Variants in REN observed in about 807,000 individuals in gnomAD.
REN encodes angiotensin-forming enzyme.
REN carries 42 observed loss-of-function variants against 48.6 expected under a neutral mutation model. That is an observed-to-expected ratio of 0.86 (90% CI 0.68 to 1.12). The LOEUF (loss-of-function observed/expected upper bound fraction) is 1.12, where lower values mean the gene tolerates loss of function less well. Ranked by LOEUF, REN falls within the 50% of genes most tolerant of loss-of-function variation. The pLI, the probability that REN is intolerant of heterozygous loss-of-function variation, is 0.00. For synonymous variants in REN, 196 were observed against 204.6 expected, an observed-to-expected ratio of 0.96 and a Z score of 0.36; for missense variants, 443 against 527.3, an observed-to-expected ratio of 0.84 and a Z score of 1.57.
chr1:204,155,915 C>A lies in REN; in HGVS notation c.964G>T (p.Val322Phe), dbSNP rs1320434543. The A allele has an allele frequency of 6.2e-7, 1 of 1,612,902 alleles. No individual in the cohort carries two copies. Among genetic ancestry groups the A allele is most frequent in the Non-Finnish European group, 8.5e-7 (1 of 1,179,318 alleles). Residue 322 changes from valine (V) to phenylalanine (F), a missense_variant, in exon 9 of 10, where the codon GTC (valine) becomes TTC (phenylalanine). By Grantham distance (50) the Val-to-Phe change is conservative. Transcript: ENST00000272190. ...GTAGGGCCCTCGTTACACTTCACGA[C>A]ATACTGGGGTGGGGGGCAAAGAGAG... Reference protein sequence around the residue: ...LGAKKRLFDYVVKCNEGPTLP... With the variant: ...LGAKKRLFDYFVKCNEGPTLP...
At chr1:204,165,311 A>G (rs1658324617) in intron 1 of REN, among the ~76,000 whole-genome samples, 1 of 152,116 alleles carries the variant, frequency 6.6e-6, no homozygotes. Context: ...ATCCTGTAGT[A>G]CTAACAGTAG....
At position 204,155,136 on chromosome 1, in the gene REN, G is replaced by T; in HGVS notation, c.1101C>A (p.His367Gln). The T allele has an allele frequency of 6.2e-7, 1 of 1,614,236 alleles. No individual in the cohort carries two copies. The highest frequency in any genetic ancestry group is 8.5e-7 in the Non-Finnish European group (1 of 1,180,040). ...SSKKLCTLAI[H>Q]AMDIPPPTGP... ...CAGTGGGTGGCGGGATATCCATGGC[G>T]TGGATGGCCAGTGTGCACAGCTTTT... Residue 367 changes from histidine (H) to glutamine (Q), a missense_variant, in exon 10 of 10, where the codon CAC becomes CAA. Coordinates refer to ENST00000272190, the MANE Select transcript of REN (RefSeq NM_000537.4).
chr1:204,164,639 C>T (rs1326905906), intron 1 of REN, among the ~76,000 whole-genome samples: 2 of 139,896 alleles, frequency 1.4e-5, no homozygotes, highest in Non-Finnish European at 3.0e-5. Flanking sequence ...GGGTCAGTCT[C>T]TGCTCACTGC....
chr1:204,166,112 C>T, intron 1 of REN, 84 bp downstream of exon 1: 1 of 1,100,716 alleles, frequency 9.1e-7, no homozygotes, highest in Non-Finnish European at 1.4e-6. Context: ...GACTGAATGA[C>T]ACCGCATGTG....
At chr1:204,158,614 A>C (rs539770854) in intron 5 of REN, among the ~76,000 whole-genome samples, 1 of 152,092 alleles carries the variant, frequency 6.6e-6, no homozygotes, top group South Asian at 2.1e-4. Context: ...TCTCCAACTC[A>C]TGCCATCTTT....
chr1:204,165,980 A>G (rs963692392), intron 1 of REN, among the ~76,000 whole-genome samples: 3 of 152,182 alleles, frequency 2.0e-5, no homozygotes, highest in Admixed American at 2.0e-4. Context: ...CTTAGTTAGC[A>G]TGGTGCTCTG....
chr1:204,155,669 A>G, intron 9 of REN, 151 bp downstream of exon 9: 1 of 697,280 alleles, frequency 1.4e-6, no homozygotes, highest in South Asian at 1.6e-5. Flanking sequence ...TGGCCCAGGT[A>G]CCAGGATTTT....
intron 1 of REN, among the ~76,000 whole-genome samples, chr1:204,163,584 C>T (rs1337724180): frequency 6.6e-6 from 1 of 152,118 alleles, no homozygotes; most frequent in African/African-American, 2.4e-5. Context: ...TCCTTCTTCC[C>T]TTCCTTTTCC....
chr1:204,157,495 G>T, intron 5 of REN, 126 bp from the exon 6 acceptor site: 4 of 1,351,382 alleles, frequency 3.0e-6, no homozygotes, highest in Non-Finnish European at 4.2e-6. Flanking sequence ...ACCAAGAGGC[G>T]AAGTCACTTG....
Position 204,154,921 on chromosome 1 carries a change from T to A in REN, c.*95A>T. 6.9e-7 allele frequency: 1 copy of A among 1,439,406 alleles called. No individual in the cohort carries two copies. Among genetic ancestry groups the A allele is most frequent in the East Asian group, 2.3e-5 (1 of 43,364 alleles). 89.2% of individuals were successfully genotyped at this position (1,439,406 alleles called of 1,614,324 possible). A position where few individuals can be genotyped will look rare whatever the true frequency, so the allele number is the denominator to read the frequency against. On this transcript the variant is annotated 3_prime_UTR_variant, in exon 10 of 10. Coordinates refer to ENST00000272190, the MANE Select transcript of REN (RefSeq NM_000537.4). ...AGGAGCTCCACATCCAATGTCTCCATCTGAGGGCATAAGCCCAGGCAGAGG... is the reference window on the plus strand; with the variant it reads ...AGGAGCTCCACATCCAATGTCTCCAACTGAGGGCATAAGCCCAGGCAGAGG...
Position 204,155,867 on chromosome 1 carries a change from G to T in REN, c.1012C>A (p.Leu338Met). 6.2e-7 allele frequency: 1 copy of T among 1,614,098 alleles called. No homozygotes were observed. The highest frequency in any genetic ancestry group is 8.5e-7 in the Non-Finnish European group (1 of 1,180,008). ...GPTLPDISFH[L>M]GGKEYTLTSA... ...GTGAGCGTGTATTCTTTGCCTCCCA[G>T]GTGGAAAGAGATGTCGGGGAGTGTA... Residue 338 changes from leucine (L) to methionine (M), a missense_variant, in exon 9 of 10, where the codon CTG (leucine) becomes ATG (methionine). Coordinates refer to ENST00000272190, the MANE Select transcript of REN (RefSeq NM_000537.4).
intron 4 of REN, among the ~76,000 whole-genome samples, chr1:204,160,243 G>A (rs11571114): frequency 0.015 from 2,342 of 152,344 alleles, 48 homozygotes; most frequent in African/African-American, 0.052. Context: ...AGTCTAGGGT[G>A]TAGCCCAGTC....
intron 1 of REN, 107 bp from the exon 2 acceptor site, chr1:204,162,270 T>C: frequency 8.2e-7 from 1 of 1,219,476 alleles, no homozygotes; most frequent in East Asian, 2.5e-5. Context: ...CCTTTAACGT[T>C]AGCCCAGCCA....
intron 2 of REN, among the ~76,000 whole-genome samples, chr1:204,161,713 CCAGGTCA>C (rs1320904553): frequency 6.6e-6 from 1 of 152,010 alleles, no homozygotes; most frequent in Admixed American, 6.5e-5. Flanking sequence ...TTGTGCTGGG[CCAGGTCA>C]CAGAAACCCC....
At chr1:204,165,715 C>T (rs775475645) in intron 1 of REN, among the ~76,000 whole-genome samples, 9 of 152,148 alleles carry the variant, frequency 5.9e-5, no homozygotes, top group Non-Finnish European at 7.4e-5. Context: ...CTCAGCTTCC[C>T]GAGTAGCTGG....
Position 204,156,628 on chromosome 1 carries a change from A to G in REN, c.818+49T>C. The G allele has an allele frequency of 7.1e-6, 9 of 1,272,488 alleles. No homozygotes were observed. The highest frequency in any genetic ancestry group is 9.9e-6 in the Non-Finnish European group (9 of 908,068). 78.8% of individuals were successfully genotyped at this position (1,272,488 alleles called of 1,614,324 possible). On this transcript the variant is annotated intron_variant, in intron 7 of 9. Coordinates refer to ENST00000272190, the MANE Select transcript of REN (RefSeq NM_000537.4). This position sits in a 1 kb window ranked among gnomAD's most constrained non-coding sequence, Gnocchi z 4.2. ...GTCCTTCCCCACCCTCCCCAACCCC[A>G]GTGACGGCAGCATTTTTTGGAGCCC...
intron 1 of REN, 53 bp downstream of exon 1, chr1:204,166,143 A>G (rs1658344736): frequency 2.1e-6 from 3 of 1,430,594 alleles, no homozygotes; most frequent in South Asian, 1.1e-5. Context: ...GGTGTTGGGA[A>G]GGTGGGAACC....
intron 4 of REN, 80 bp downstream of exon 4, chr1:204,160,480 A>G (rs890710353): frequency 1.1e-6 from 1 of 922,936 alleles, no homozygotes; most frequent in African/African-American, 1.6e-5. Flanking sequence ...ACCTCCCCGC[A>G]GGTGTGGGCC....
intron 5 of REN, among the ~76,000 whole-genome samples, chr1:204,158,505 C>T (rs985530580): frequency 6.9e-6 from 1 of 144,558 alleles, no homozygotes; most frequent in Non-Finnish European, 1.5e-5. Flanking sequence ...GAAGCCTTAA[C>T]TCCTGGGCTC....
Sources: allele counts gnomAD v4.1 joint callset (sites outside exome capture counted in the v4.1 genomes callset), GRCh38; gene constraint gnomAD v4.1.1; non-coding constraint Gnocchi (gnomAD v3.1); transcripts MANE v1.5; gene names NCBI Gene and HGNC (gene_info 2026-07-23, HGNC 2026-07-21).